The following SPON1 variants were observed in gnomAD, a reference collection of about 807,000 sequenced individuals.
SPON1 encodes spondin-1.
A neutral mutation model predicts 111.7 loss-of-function variants in SPON1; 52 were observed. That is an observed-to-expected ratio of 0.47 (90% CI 0.37 to 0.59). The LOEUF is 0.59. SPON1 is among the 20% of genes least tolerant of loss of function. The pLI is 0.00. For missense variants in SPON1, 957 were observed against 1,068.5 expected (o/e 0.90, Z 1.46); for synonymous variants, 410 against 395.8 (o/e 1.04, Z -0.43).
intron 5 of SPON1, among the ~76,000 whole-genome samples, chr11:14,124,182 ACACT>A (rs1332665604): frequency 6.6e-6 from 1 of 152,156 alleles, no homozygotes; most frequent in Non-Finnish European, 1.5e-5. Flanking sequence ...TTATACACAC[ACACT>A]CACACACACA....
intron 6 of SPON1, among the ~76,000 whole-genome samples, chr11:14,207,256 A>G (rs1223315503): frequency 6.6e-6 from 1 of 152,228 alleles, no homozygotes; most frequent in East Asian, 1.9e-4. Flanking sequence ...AAAAGACTTA[A>G]ATGTAAAGCC....
At chr11:14,123,549 T>C (rs1282586685) in intron 5 of SPON1, among the ~76,000 whole-genome samples, 1 of 152,210 alleles carries the variant, frequency 6.6e-6, no homozygotes, top group African/African-American at 2.4e-5. Flanking sequence ...CTAGAATCTC[T>C]ATTCAGCTCT....
chr11:14,128,316 G>A (rs537310747), intron 5 of SPON1, among the ~76,000 whole-genome samples: 2 of 152,340 alleles, frequency 1.3e-5, no homozygotes, highest in East Asian at 3.9e-4. Flanking sequence ...GAATTGGGTA[G>A]ATGCTCCCAT....
chr11:14,032,922 C>A (rs1400617965), intron 2 of SPON1, among the ~76,000 whole-genome samples: 12 of 152,148 alleles, frequency 7.9e-5, no homozygotes, highest in Non-Finnish European at 2.9e-5. Flanking sequence ...CCAGTACCCA[C>A]ATACCCAGAC....
intron 1 of SPON1, among the ~76,000 whole-genome samples, chr11:13,970,675 C>T (rs183842646): frequency 2.0e-4 from 31 of 152,276 alleles, no homozygotes; most frequent in Non-Finnish European, 4.4e-4. Flanking sequence ...TAAGCTCATT[C>T]GCTCCCCAGG....
At chr11:14,219,047 TC>T (rs1174011590) in intron 6 of SPON1, among the ~76,000 whole-genome samples, 4 of 152,164 alleles carry the variant, frequency 2.6e-5, no homozygotes, top group African/African-American at 9.7e-5. Context: ...AATTTATTAT[TC>T]CTGCCTTCCA....
At chr11:13,996,625 G>A (rs1364962860) in intron 2 of SPON1, among the ~76,000 whole-genome samples, 1 of 151,878 alleles carries the variant, frequency 6.6e-6, no homozygotes, top group Non-Finnish European at 1.5e-5. Flanking sequence ...ATAAAAATAT[G>A]TCATTTTATA....
intron 6 of SPON1, among the ~76,000 whole-genome samples, chr11:14,221,821 C>T (rs1554937628): frequency 6.6e-6 from 1 of 152,178 alleles, no homozygotes; most frequent in Non-Finnish European, 1.5e-5. Context: ...TCATCACCTC[C>T]TCACCTCTCA....
At chr11:14,090,592 G>A (rs1332004617) in intron 5 of SPON1, among the ~76,000 whole-genome samples, 8 of 151,876 alleles carry the variant, frequency 5.3e-5, no homozygotes, top group Non-Finnish European at 1.2e-4. Context: ...CTCTTAAGGC[G>A]GCGGGTCTGG....
rs553088030 is a variant in SPON1, at chr11:14,222,847, G to A, written c.826-20485G>A. Among the ~76,000 whole-genome samples, 4 of 152,296 alleles carry A rather than the reference G, an allele frequency of 2.6e-5. No homozygotes were observed. The East Asian group carries it at 7.7e-4, about 29-fold the overall frequency. On this transcript the variant is annotated intron_variant, in intron 6 of 15. Coordinates refer to ENST00000576479, the MANE Select transcript of SPON1 (RefSeq NM_006108.4). ...AGGGCCAATTTCCAGCTACCAATGT[G>A]ATGCCACTGAACGTAGAGGTGGGAA...
chr11:14,184,539 G>C (rs1246352492), intron 6 of SPON1, among the ~76,000 whole-genome samples: 1 of 152,236 alleles, frequency 6.6e-6, no homozygotes, highest in Non-Finnish European at 1.5e-5. Flanking sequence ...CAGCCTGGTA[G>C]AGAAGGTGAA....
intron 2 of SPON1, 125 bp downstream of exon 2, chr11:13,983,078 C>T: frequency 4.7e-6 from 3 of 642,798 alleles, no homozygotes; most frequent in Non-Finnish European, 8.3e-6. Flanking sequence ...GGGGCAGGTC[C>T]ATTTGAAAGG....
At chr11:14,077,556 C>T (rs1554921622) in intron 4 of SPON1, among the ~76,000 whole-genome samples, 1 of 151,850 alleles carries the variant, frequency 6.6e-6, no homozygotes. Context: ...CCTCAGCCTC[C>T]CGAGTAGTTG....
At chr11:14,036,023 C>A (rs1848592026) in intron 2 of SPON1, among the ~76,000 whole-genome samples, 1 of 152,206 alleles carries the variant, frequency 6.6e-6, no homozygotes, top group Admixed American at 6.5e-5. Context: ...TAGGAATTGA[C>A]CAGGGCCTTG....
intron 5 of SPON1, among the ~76,000 whole-genome samples, chr11:14,109,914 T>G (rs1849214906): frequency 6.6e-6 from 1 of 152,196 alleles, no homozygotes; most frequent in Non-Finnish European, 1.5e-5. Context: ...GAGTTATCTC[T>G]TCCTCTGGGA....
intron 1 of SPON1, among the ~76,000 whole-genome samples, chr11:13,968,027 T>C (rs1007321730): frequency 6.6e-6 from 1 of 152,208 alleles, no homozygotes; most frequent in Non-Finnish European, 1.5e-5. Context: ...TACAGCTGAC[T>C]CTTTCAGTTG....
chr11:14,195,256 A>C (rs994442334), intron 6 of SPON1, among the ~76,000 whole-genome samples: 2 of 152,208 alleles, frequency 1.3e-5, no homozygotes, highest in African/African-American at 4.8e-5. Context: ...CTGGTGTGCA[A>C]AGCCCTTCAT....
At chr11:14,230,565 C>T (rs1292241822) in intron 6 of SPON1, among the ~76,000 whole-genome samples, 1 of 152,206 alleles carries the variant, frequency 6.6e-6, no homozygotes, top group Non-Finnish European at 1.5e-5. Flanking sequence ...GCTCTGTCCC[C>T]CTGCCCACCT....
At chr11:14,173,493 C>G (rs549582637) in intron 6 of SPON1, among the ~76,000 whole-genome samples, 1 of 152,120 alleles carries the variant, frequency 6.6e-6, no homozygotes, top group African/African-American at 2.4e-5. Flanking sequence ...TCTCTCAACT[C>G]GTCAACATCA....
Sources: allele counts gnomAD v4.1 joint callset (sites outside exome capture counted in the v4.1 genomes callset), GRCh38; gene constraint gnomAD v4.1.1; transcripts MANE v1.5; gene names NCBI Gene and HGNC (gene_info 2026-07-23, HGNC 2026-07-21).